Variants in GCH1 observed in about 807,000 individuals in gnomAD.
GCH1 encodes GTP cyclohydrolase I.
A neutral mutation model predicts 25.9 loss-of-function variants in GCH1; 5 were observed. The ratio of observed to expected loss-of-function variants is 0.19; its 90% CI spans 0.10 to 0.41. The LOEUF (loss-of-function observed/expected upper bound fraction) is 0.41, where lower values mean the gene tolerates loss of function less well. Ranked by LOEUF, GCH1 falls within the 10% of genes least tolerant of loss-of-function variation. The pLI is 1.00. For synonymous variants in GCH1, 159 were observed against 129.6 expected, an observed-to-expected ratio of 1.23 and a Z score of -1.54; for missense variants, 261 against 336.5, an observed-to-expected ratio of 0.78 and a Z score of 1.75.
intron 1 of GCH1, among the ~76,000 whole-genome samples, chr14:54,883,056 T>C (rs1469656716): frequency 6.6e-6 from 1 of 152,064 alleles, no homozygotes; most frequent in Admixed American, 6.6e-5. Flanking sequence ...GCTTGAGAGC[T>C]GAGGGTACAT....
At position 54,873,599 on chromosome 14, in the gene GCH1, A is replaced by C. The variant is rs544654190; in HGVS notation, c.344-8163T>G. Reference sequence around the variant, plus strand: ...TCAATAAAATTGATAGACCGCTAGCAAGACTAATAAAGAAGAAAAGAGAGA... The same window carrying C: ...TCAATAAAATTGATAGACCGCTAGCCAGACTAATAAAGAAGAAAAGAGAGA... On this transcript the variant is annotated intron_variant, in intron 1 of 5. Coordinates refer to ENST00000491895, the MANE Select transcript of GCH1 (RefSeq NM_000161.3). Among the ~76,000 whole-genome samples, 55 of 152,144 alleles carry C rather than the reference A, an allele frequency of 3.6e-4. No homozygotes were observed. In the South Asian group the frequency reaches 0.011, roughly 30 times the overall value.
At chr14:54,884,064 G>A (rs2140104333) in intron 1 of GCH1, among the ~76,000 whole-genome samples, 1 of 152,292 alleles carries the variant, frequency 6.6e-6, no homozygotes, top group East Asian at 1.9e-4. Flanking sequence ...TCAATGTCTA[G>A]GGTAATACAA....
rs528551122 is a variant in GCH1, at chr14:54,857,903, C to G, written c.509+1778G>C. Reference sequence around the variant, plus strand: ...ATGTTTCTGGATTTGTGCTAAGAGCCTTATTCCAGTGAAGCAATTACAGCT... The same window carrying G: ...ATGTTTCTGGATTTGTGCTAAGAGCGTTATTCCAGTGAAGCAATTACAGCT... On this transcript the variant is annotated intron_variant, in intron 3 of 5. Coordinates refer to ENST00000491895, the MANE Select transcript of GCH1 (RefSeq NM_000161.3). 5.5e-4 allele frequency among the ~76,000 whole-genome samples: 84 copies of G among 152,318 alleles called. 1 individual carries two copies. In the Middle Eastern group the frequency reaches 0.014, roughly 25 times the overall value.
At chr14:54,862,477 G>A (rs61977036) in intron 2 of GCH1, among the ~76,000 whole-genome samples, 2,482 of 149,408 alleles carry the variant, frequency 0.017, 28 homozygotes, top group Non-Finnish European at 0.026. Context: ...CGACCTCCTG[G>A]GTTCAAGCGA....
At chr14:54,880,387 ATATAT>A (rs1167785652) in intron 1 of GCH1, among the ~76,000 whole-genome samples, 1 of 142,032 alleles carries the variant, frequency 7.0e-6, no homozygotes, top group African/African-American at 2.6e-5. Flanking sequence ...ATATAATATA[ATATAT>A]ATTATATAAT....
At chr14:54,865,058 G>A (rs1245287071) in intron 2 of GCH1, among the ~76,000 whole-genome samples, 2 of 150,756 alleles carry the variant, frequency 1.3e-5, no homozygotes, top group Non-Finnish European at 3.0e-5. Flanking sequence ...AAAAAAAAGA[G>A]AGAGAGAGAT....
At chr14:54,886,405 G>A (rs1484628124) in intron 1 of GCH1, among the ~76,000 whole-genome samples, 2 of 152,008 alleles carry the variant, frequency 1.3e-5, no homozygotes, top group African/African-American at 2.4e-5. Context: ...GAGGTCAGGA[G>A]ATTGAGACCA....
At chr14:54,870,488 T>C (rs559169169) in intron 1 of GCH1, among the ~76,000 whole-genome samples, 1 of 151,508 alleles carries the variant, frequency 6.6e-6, no homozygotes, top group Non-Finnish European at 1.5e-5. Flanking sequence ...CACTGGGGAG[T>C]GTCGGACAGT....
rs2040579864 is a variant in GCH1, at chr14:54,902,346, G to A, written c.318C>T (p.Thr106=). The change falls in exon 1 of 6, where the codon ACC becomes ACT. Residue 106 remains threonine, a synonymous_variant. Coordinates refer to ENST00000491895, the MANE Select transcript of GCH1 (RefSeq NM_000161.3). ...CTGAGATGGTCTCCTGGTAGCCCTT[G>A]GTGAAGAACTGCATGGCCGAGGCCG... The part of the protein sequence containing the change: ...WRAASAMQFF[T]KGYQETISDV... The A allele has an allele frequency of 6.2e-7, 1 of 1,612,880 alleles. No individual in the cohort carries two copies. Among genetic ancestry groups the A allele is most frequent in the South Asian group, 1.1e-5 (1 of 91,058 alleles).
chr14:54,887,617 G>A (rs1399231905), intron 1 of GCH1, among the ~76,000 whole-genome samples: 1 of 152,126 alleles, frequency 6.6e-6, no homozygotes, highest in African/African-American at 2.4e-5. Context: ...TGAGACACCT[G>A]AGGAAATGTG....
Position 54,866,303 on chromosome 14 carries a change from A to G in GCH1, c.344-867T>C, listed in dbSNP as rs1283416735. On this transcript the variant is annotated intron_variant, in intron 1 of 5. Coordinates refer to ENST00000491895, the MANE Select transcript of GCH1 (RefSeq NM_000161.3). Reference sequence around the variant, plus strand: ...GGGAAACAAGCCACATTCCCCACCAATCATAATATAGCCAAGCTATTGATA... The same window carrying G: ...GGGAAACAAGCCACATTCCCCACCAGTCATAATATAGCCAAGCTATTGATA... 2.0e-5 allele frequency among the ~76,000 whole-genome samples: 3 copies of G among 152,034 alleles called. 1 individual carries two copies. Among genetic ancestry groups the G allele is most frequent in the African/African-American group, 4.8e-5 (2 of 41,382 alleles).
chr14:54,846,932 C>T (rs1168750237), intron 4 of GCH1, among the ~76,000 whole-genome samples, 167 bp downstream of exon 4: 1 of 151,958 alleles, frequency 6.6e-6, no homozygotes, highest in East Asian at 1.9e-4. Flanking sequence ...CATGGTGATG[C>T]ACTCTTATAA....
rs1045811640 is a variant in GCH1, at chr14:54,843,588, T to C, written c.*429A>G. 9.1e-6 allele frequency: 13 copies of C among 1,432,084 alleles called. No individual in the cohort carries two copies. The highest frequency in any genetic ancestry group is 2.9e-5 in the Admixed American group (1 of 34,112). The allele number at this position is 1,432,084 out of a possible 1,614,324, so 88.7% of individuals were successfully genotyped here. ...CACAGAGCAATACCGCACTAAATAT[T>C]TTAGCACTTTCGGCACTACACCACT... On this transcript the variant is annotated 3_prime_UTR_variant, in exon 6 of 6. Transcript: ENST00000491895.
At chr14:54,887,563 C>T (rs1429867226) in intron 1 of GCH1, among the ~76,000 whole-genome samples, 2 of 152,082 alleles carry the variant, frequency 1.3e-5, no homozygotes, top group African/African-American at 2.4e-5. Flanking sequence ...ATGTATGGAC[C>T]TTGAGTGGAT....
Position 54,902,815 on chromosome 14 carries a change from C to A in GCH1, c.-152G>T. On this transcript the variant is annotated 5_prime_UTR_variant, in exon 1 of 6. Transcript: ENST00000491895. ...CTTAGATCACACTCCGAGCCGGGAG[C>A]GGCCACAGGCTGGAAAGCCCGGCCG... 9.5e-7 allele frequency: 1 copy of A among 1,050,814 alleles called. No homozygotes were observed. Among genetic ancestry groups the A allele is most frequent in the Non-Finnish European group, 1.2e-6 (1 of 814,444 alleles). 65.1% of individuals were successfully genotyped at this position (1,050,814 alleles called of 1,614,324 possible).
chr14:54,879,754 C>T (rs572581733), intron 1 of GCH1, among the ~76,000 whole-genome samples: 45 of 152,062 alleles, frequency 3.0e-4, no homozygotes, highest in Non-Finnish European at 5.4e-4. Flanking sequence ...AATCCCAGCA[C>T]GTTCGGAGGC....
rs978110731 is a variant in GCH1 at position 54,842,856 on chromosome 14, T to C, written c.*1161A>G. The C allele has an allele frequency of 4.6e-6, 2 of 436,776 alleles. No homozygotes were observed. The highest frequency in any genetic ancestry group is 4.1e-5 in the African/African-American group (2 of 49,226). 27.1% of individuals were successfully genotyped at this position (436,776 alleles called of 1,614,324 possible). On this transcript the variant is annotated 3_prime_UTR_variant, in exon 6 of 6. Transcript: ENST00000491895. The stretch of plus-strand genomic sequence containing the variant: ...ACAGCTTCCAGGATTAAAATACCTA[T>C]ACCATCTATACGGAGTTACAATGAG...
At chr14:54,846,993 G>A in intron 4 of GCH1, 106 bp downstream of exon 4, 1 of 511,374 alleles carries the variant, frequency 2.0e-6, no homozygotes, top group South Asian at 2.0e-5. Flanking sequence ...TTGCACCACT[G>A]CACTCCAGCC....
chr14:54,844,490 C>A (rs1184673482), intron 5 of GCH1, among the ~76,000 whole-genome samples: 1 of 152,200 alleles, frequency 6.6e-6, no homozygotes, highest in Non-Finnish European at 1.5e-5. Context: ...TACAGAGTTA[C>A]TTAACTTCTA....
Sources: gnomAD v4.1 joint callset for allele counts (sites outside exome capture counted in the v4.1 genomes callset) on GRCh38, gnomAD v4.1.1 for gene constraint, MANE v1.5 for transcripts, NCBI Gene and HGNC (gene_info 2026-07-23, HGNC 2026-07-21) for gene names.